LRMDA: variants seen among roughly 807,000 people sequenced by gnomAD.
The protein encoded by LRMDA is leucine-rich melanocyte differentiation-associated protein.
Under a neutral mutation model 29.8 loss-of-function variants are expected in LRMDA, and 18 were observed. The observed-to-expected ratio is 0.60, with a 90% CI of 0.42 to 0.90. The LOEUF (loss-of-function observed/expected upper bound fraction) is 0.90, where lower values mean the gene tolerates loss of function less well. Among genes scored for constraint, LRMDA ranks in the 40% least tolerant of loss-of-function variants. The pLI, the probability that LRMDA is intolerant of heterozygous loss-of-function variation, is 0.00. For missense variants in LRMDA, 273 were observed against 273.9 expected (o/e 1.00, Z 0.02); for synonymous variants, 125 against 109.4 (o/e 1.14, Z -0.89).
At chr10:75,494,168 T>C (rs1450239200) in intron 2 of LRMDA, among the ~76,000 whole-genome samples, 1 of 152,234 alleles carries the variant, frequency 6.6e-6, no homozygotes, top group Non-Finnish European at 1.5e-5. Flanking sequence ...TAATGATGAA[T>C]CCATGTTTCT....
At chr10:75,618,833 A>G (rs12254519) in intron 2 of LRMDA, among the ~76,000 whole-genome samples, 6,200 of 149,326 alleles carry the variant, frequency 0.042, 392 homozygotes, top group African/African-American at 0.14. Context: ...CTGGAGTGCA[A>G]TGGCATGATC....
At chr10:76,077,991 C>CTTTTTTTTT (rs1564646877) in intron 5 of LRMDA, among the ~76,000 whole-genome samples, 1 of 83,466 alleles carries the variant, frequency 1.2e-5, no homozygotes, top group Non-Finnish European at 2.3e-5. Context: ...GCAATATTAA[C>CTTTTTTTTT]ATTTTTTTTT....
chr10:75,766,397 A>C (rs998930977), intron 2 of LRMDA, among the ~76,000 whole-genome samples: 18 of 152,122 alleles, frequency 1.2e-4, no homozygotes, highest in African/African-American at 3.4e-4. Flanking sequence ...CATTAGTTGA[A>C]GGAGTGGAAG....
chr10:75,706,198 A>C (rs879696048), intron 2 of LRMDA, among the ~76,000 whole-genome samples: 4 of 152,142 alleles, frequency 2.6e-5, no homozygotes, highest in Non-Finnish European at 5.9e-5. Context: ...AATAATTTTA[A>C]ACATATTTTA....
chr10:75,658,801 T>C (rs991334268), intron 2 of LRMDA, among the ~76,000 whole-genome samples: 1 of 152,186 alleles, frequency 6.6e-6, no homozygotes, highest in Non-Finnish European at 1.5e-5. Context: ...GGGGGAAATG[T>C]AGGGTCCTCC....
At chr10:76,131,609 A>G (rs566888483) in intron 5 of LRMDA, among the ~76,000 whole-genome samples, 258 of 151,048 alleles carry the variant, frequency 1.7e-3, no homozygotes, top group African/African-American at 5.8e-3. Context: ...CCATTTTCCC[A>G]TATTCTCTAT....
chr10:76,443,948 AC>A (rs1207636265), intron 6 of LRMDA, among the ~76,000 whole-genome samples: 1 of 152,112 alleles, frequency 6.6e-6, no homozygotes, highest in East Asian at 1.9e-4. Flanking sequence ...GGGTGTATGG[AC>A]AAGGAAACCT....
At chr10:76,449,108 C>T (rs1842380984) in intron 6 of LRMDA, among the ~76,000 whole-genome samples, 2 of 151,538 alleles carry the variant, frequency 1.3e-5, no homozygotes. Flanking sequence ...TTTTAAAATG[C>T]CTCAGGGGTA....
intron 5 of LRMDA, among the ~76,000 whole-genome samples, chr10:76,287,092 A>G (rs1341692380): frequency 6.6e-6 from 1 of 152,182 alleles, no homozygotes; most frequent in Non-Finnish European, 1.5e-5. Context: ...TGAAACTAGA[A>G]GATATAACAT....
intron 5 of LRMDA, among the ~76,000 whole-genome samples, chr10:76,122,979 A>G (rs1041316574): frequency 1.3e-5 from 2 of 152,156 alleles, no homozygotes; most frequent in Non-Finnish European, 2.9e-5. Flanking sequence ...GATCCGAAGG[A>G]TTCCCAGATC....
At chr10:76,431,466 A>T (rs1297191446) in intron 6 of LRMDA, among the ~76,000 whole-genome samples, 1 of 152,194 alleles carries the variant, frequency 6.6e-6, no homozygotes, top group Non-Finnish European at 1.5e-5. Flanking sequence ...CTTCTCTACT[A>T]CTTGCAAATT....
At chr10:75,515,704 C>CT (rs1038853689) in intron 2 of LRMDA, among the ~76,000 whole-genome samples, 21 of 151,212 alleles carry the variant, frequency 1.4e-4, no homozygotes, top group African/African-American at 3.6e-4. Context: ...TTTCTTTTTT[C>CT]TTTTTTTTTA....
chr10:76,447,456 T>A (rs184875158), intron 6 of LRMDA, among the ~76,000 whole-genome samples: 5 of 152,282 alleles, frequency 3.3e-5, no homozygotes, highest in African/African-American at 1.2e-4. Flanking sequence ...TCATCTAGAG[T>A]GAAAATTATC....
At chr10:76,207,188 A>C (rs1033559920) in intron 5 of LRMDA, among the ~76,000 whole-genome samples, 1 of 152,206 alleles carries the variant, frequency 6.6e-6, no homozygotes, top group African/African-American at 2.4e-5. Context: ...ACCATTGTAC[A>C]TAATTGATCA....
chr10:76,478,593 T>C (rs906483603), intron 6 of LRMDA, among the ~76,000 whole-genome samples: 2 of 152,062 alleles, frequency 1.3e-5, no homozygotes, highest in Non-Finnish European at 2.9e-5. Flanking sequence ...AAGACACATG[T>C]ACACGTATGT....
chr10:76,464,526 C>T (rs1341609560), intron 6 of LRMDA, among the ~76,000 whole-genome samples: 1 of 152,182 alleles, frequency 6.6e-6, no homozygotes, highest in Admixed American at 6.5e-5. Flanking sequence ...GACAATTTAA[C>T]TAAGAACAAT....
At chr10:76,058,871 G>GT in intron 5 of LRMDA, 88 bp downstream of exon 5, 1 of 1,019,772 alleles carries the variant, frequency 9.8e-7, no homozygotes, top group East Asian at 2.4e-5. Context: ...TCCTCTGAGT[G>GT]TTTAGAATGC....
chr10:76,483,831 G>T (rs1406625788), intron 6 of LRMDA, among the ~76,000 whole-genome samples: 1 of 151,596 alleles, frequency 6.6e-6, no homozygotes, highest in Non-Finnish European at 1.5e-5. Context: ...TGTGAACTGG[G>T]TGCAAGATTC....
intron 5 of LRMDA, among the ~76,000 whole-genome samples, chr10:76,255,001 C>T (rs1237874628): frequency 1.3e-5 from 2 of 152,180 alleles, no homozygotes; most frequent in Non-Finnish European, 2.9e-5. Context: ...CCTAACCTTC[C>T]AGACTTTCCC....
Sources: allele counts gnomAD v4.1 joint callset (sites outside exome capture counted in the v4.1 genomes callset), GRCh38; gene constraint gnomAD v4.1.1; transcripts MANE v1.5; gene names NCBI Gene and HGNC (gene_info 2026-07-23, HGNC 2026-07-21).